The following STX1A variants were observed in gnomAD, a reference collection of about 807,000 sequenced individuals.
STX1A encodes syntaxin 1A.
Under a neutral mutation model 37.8 loss-of-function variants are expected in STX1A, and 4 were observed. The ratio of observed to expected loss-of-function variants is 0.11; its 90% CI spans 0.05 to 0.24. STX1A has a LOEUF of 0.24. Ranked by LOEUF, STX1A falls within the 10% of genes least tolerant of loss-of-function variation. The pLI, the probability that STX1A is intolerant of heterozygous loss-of-function variation, is 1.00. For synonymous variants in STX1A, 135 were observed against 147.4 expected, an observed-to-expected ratio of 0.92 and a Z score of 0.61; for missense variants, 251 against 399.9, an observed-to-expected ratio of 0.63 and a Z score of 3.18.
chr7:73,713,345 GAC>G (rs1307365421), intron 1 of STX1A, among the ~76,000 whole-genome samples: 2 of 152,178 alleles, frequency 1.3e-5, no homozygotes, highest in Non-Finnish European at 2.9e-5. Flanking sequence ...TCCCAGCCCA[GAC>G]ACACTCTTGA....
intron 1 of STX1A, among the ~76,000 whole-genome samples, chr7:73,715,627 C>A (rs1554618565): frequency 6.6e-6 from 1 of 152,122 alleles, no homozygotes; most frequent in Non-Finnish European, 1.5e-5. Context: ...TCCAGGACAC[C>A]TTCCTGGATG....
At chr7:73,718,277 G>A (rs995971502) in intron 1 of STX1A, among the ~76,000 whole-genome samples, 1 of 152,164 alleles carries the variant, frequency 6.6e-6, no homozygotes, top group Non-Finnish European at 1.5e-5. Context: ...AACAGGTCTG[G>A]AGGCAAAGTG....
Position 73,717,082 on chromosome 7 carries a change from C to A in STX1A, c.30+2520G>T, listed in dbSNP as rs906348619. On this transcript the variant is annotated intron_variant, in intron 1 of 9. Transcript: ENST00000222812. The surrounding 1 kb of genome is among the most constrained non-coding windows in gnomAD (Gnocchi z 4.1). ...GCTGGAGAAGGCTGGAGGGCTGGGC[C>A]GGGCCTGCAGAGTGAGGAAACGCGC... 6.6e-6 allele frequency among the ~76,000 whole-genome samples: 1 copy of A among 151,920 alleles called. No homozygotes were observed. Among genetic ancestry groups the A allele is most frequent in the Admixed American group, 6.6e-5 (1 of 15,248 alleles).
Position 73,705,327 on chromosome 7 carries a change from G to A in STX1A, c.209-103C>T. 1.0e-6 allele frequency: 1 copy of A among 966,378 alleles called. No homozygotes were observed. Among genetic ancestry groups the A allele is most frequent in the Non-Finnish European group, 1.7e-6 (1 of 604,558 alleles). 59.9% of individuals were successfully genotyped at this position (966,378 alleles called of 1,614,324 possible). A position where few individuals can be genotyped will look rare whatever the true frequency, so the allele number is the denominator to read the frequency against. On this transcript the variant is annotated intron_variant, in intron 3 of 9. Coordinates refer to ENST00000222812, the MANE Select transcript of STX1A (RefSeq NM_004603.4). This position sits in a 1 kb window ranked among gnomAD's most constrained non-coding sequence, Gnocchi z 5.2. Reference sequence around the variant, plus strand: ...GGGGCCCAGTGGGAGGCTCTGGGAAGATCCCTGTTCTCCCCTGTTCCCCTG... The same window carrying A: ...GGGGCCCAGTGGGAGGCTCTGGGAAAATCCCTGTTCTCCCCTGTTCCCCTG...
intron 7 of STX1A, 82 bp from the exon 8 acceptor site, chr7:73,703,064 G>A: frequency 1.0e-6 from 1 of 1,004,660 alleles, no homozygotes; most frequent in Non-Finnish European, 1.4e-6. Flanking sequence ...CGTTTGGGGT[G>A]GGCAGAGCTG....
Position 73,709,766 on chromosome 7 carries a change from G to T in STX1A, c.31-644C>A, listed in dbSNP as rs571432399. Among the ~76,000 whole-genome samples, 77 of 152,300 alleles carry T rather than the reference G, an allele frequency of 5.1e-4. No homozygotes were observed. The highest frequency in any genetic ancestry group is 1.8e-3 in the African/African-American group (74 of 41,562). Reference sequence around the variant, plus strand: ...AGAGGTCCCAAGCTCCCTTTCCAGAGTGGGCCCTATAAGGGGAGACCTGCC... The same window carrying T: ...AGAGGTCCCAAGCTCCCTTTCCAGATTGGGCCCTATAAGGGGAGACCTGCC... On this transcript the variant is annotated intron_variant, in intron 1 of 9. Coordinates refer to ENST00000222812, the MANE Select transcript of STX1A (RefSeq NM_004603.4). This position sits in a 1 kb window ranked among gnomAD's most constrained non-coding sequence, Gnocchi z 4.2.
rs1032127181 is a variant in STX1A at position 73,702,551 on chromosome 7, C to T, written c.678+294G>A. On this transcript the variant is annotated intron_variant, in intron 8 of 9. Transcript: ENST00000222812. The surrounding 1 kb of genome is among the most constrained non-coding windows in gnomAD (Gnocchi z 4.7). ...TATGCCTTCAGTCTCTGGGGAAATG[C>T]GTGGCCCACAGTGGCCCCATGAGGA... The T allele has an allele frequency of 3.9e-6, 3 of 775,092 alleles. No homozygotes were observed. Among genetic ancestry groups the T allele is most frequent in the Non-Finnish European group, 3.9e-6 (2 of 513,224 alleles). The allele number at this position is 775,092 out of a possible 1,614,324, so 48.0% of individuals were successfully genotyped here.
chr7:73,707,294 C>T (rs1563573306), intron 3 of STX1A, among the ~76,000 whole-genome samples: 1 of 152,180 alleles, frequency 6.6e-6, no homozygotes, highest in Non-Finnish European at 1.5e-5. Context: ...TGTCTGGGGA[C>T]AGAGTGCGAG....
rs1357728949 is a variant in STX1A at position 73,700,959 on chromosome 7, GTTAGGGTACAGC to G, written c.679-131_679-120del. 4.6e-6 allele frequency: 7 copies of G among 1,532,076 alleles called. No homozygotes were observed. The highest frequency in any genetic ancestry group is 6.1e-6 in the Non-Finnish European group (7 of 1,143,256). 94.9% of individuals were successfully genotyped at this position (1,532,076 alleles called of 1,614,324 possible). On this transcript the variant is annotated intron_variant, in intron 8 of 9. Transcript: ENST00000222812. The surrounding 1 kb of genome is among the most constrained non-coding windows in gnomAD (Gnocchi z 4.4). ...AGAGACAAAAAGGGGGCGTGAGGAGGTTAGGGTACAGCTTCTCACCTGGGCCAGGTACCCTGG... is the reference window on the plus strand; with the variant it reads ...AGAGACAAAAAGGGGGCGTGAGGAGGTTCTCACCTGGGCCAGGTACCCTGG...
Position 73,700,900 on chromosome 7 carries a change from T to A in STX1A, c.679-60A>T. On this transcript the variant is annotated intron_variant, in intron 8 of 9. Transcript: ENST00000222812. This position sits in a 1 kb window ranked among gnomAD's most constrained non-coding sequence, Gnocchi z 4.4. The stretch of plus-strand genomic sequence containing the variant: ...CCCCTCCTCAGGGTTGGGTTGGGGC[T>A]CGGGGCAGGACTTCAGGAAAGCACC... 6.2e-7 allele frequency: 1 copy of A among 1,602,696 alleles called. No homozygotes were observed. Among genetic ancestry groups the A allele is most frequent in the Non-Finnish European group, 8.5e-7 (1 of 1,177,882 alleles).
rs1431887319 is a variant in STX1A at position 73,719,577 on chromosome 7, G to A, written c.30+25C>T. The A allele has an allele frequency of 6.1e-5, 74 of 1,208,326 alleles. 2 individuals are homozygous for A. The South Asian group carries it at 2.2e-3, about 36-fold the overall frequency. 74.9% of individuals were successfully genotyped at this position (1,208,326 alleles called of 1,614,324 possible). ...TTGGCGCTGGCGGCGGGCGGCGGGC[G>A]GCCGCGCGCTGGGGCCGGACTCACC... On this transcript the variant is annotated intron_variant, in intron 1 of 9. Transcript: ENST00000222812.
Position 73,702,693 on chromosome 7 carries a change from G to A in STX1A, c.678+152C>T. 3 of 1,505,468 alleles carry A rather than the reference G, an allele frequency of 2.0e-6. No individual in the cohort carries two copies. The highest frequency in any genetic ancestry group is 2.1e-5 in the Admixed American group (1 of 47,958). The allele number at this position is 1,505,468 out of a possible 1,614,324, so 93.3% of individuals were successfully genotyped here. A position where few individuals can be genotyped will look rare whatever the true frequency, so the allele number is the denominator to read the frequency against. ...GGACAGGGACCTTCGGGTCGGCAGG[G>A]CCCTGGCGGCAGTTTCAACAGCGGG... On this transcript the variant is annotated intron_variant, in intron 8 of 9. Transcript: ENST00000222812. The surrounding 1 kb of genome is among the most constrained non-coding windows in gnomAD (Gnocchi z 4.7).
rs186088056 is a variant in STX1A at position 73,715,539 on chromosome 7, G to A, written c.30+4063C>T. ...GAAGAACAGACCCTGCTGGAACCAC[G>A]GGGAGCTGGATGCCCTGAGCTTCCC... On this transcript the variant is annotated intron_variant, in intron 1 of 9. Coordinates refer to ENST00000222812, the MANE Select transcript of STX1A (RefSeq NM_004603.4). Among the ~76,000 whole-genome samples the A allele has an allele frequency of 1.8e-3, 280 of 152,276 alleles. 1 individual carries two copies. The highest frequency in any genetic ancestry group is 6.2e-3 in the African/African-American group (259 of 41,552).
At chr7:73,712,322 C>T (rs1158236512) in intron 1 of STX1A, among the ~76,000 whole-genome samples, 5 of 151,314 alleles carry the variant, frequency 3.3e-5, no homozygotes, top group Non-Finnish European at 7.4e-5. Context: ...TCAGACCCCA[C>T]TCCCCCACAC....
Position 73,705,168 on chromosome 7 carries a change from C to G in STX1A, c.265G>C (p.Val89Leu), listed in dbSNP as rs1798825321. The part of the protein sequence containing the change: ...MSDIKKTANK[V>L]RSKLKSIEQS... ...GACTCACTCTTTAACTTGGAACGAA[C>G]TTTGTTTGCTGTCTTCTTTATGTCG... The change falls in exon 4 of 10, where the codon GTT becomes CTT. Residue 89 changes from valine (V) to leucine (L), a missense_variant. Val to Leu is a conservative substitution (Grantham distance 32, BLOSUM62 1). This residue lies in a region of STX1A where 214 missense variants were observed against 367.6 expected (regional missense o/e 0.58). Transcript: ENST00000222812. This position sits in a 1 kb window ranked among gnomAD's most constrained non-coding sequence, Gnocchi z 5.2. The G allele has an allele frequency of 2.5e-6, 4 of 1,613,770 alleles. No homozygotes were observed. The highest frequency in any genetic ancestry group is 3.4e-6 in the Non-Finnish European group (4 of 1,179,866).
At position 73,712,916 on chromosome 7, in the gene STX1A, T is replaced by G. The variant is rs556757875; in HGVS notation, c.31-3794A>C. Among the ~76,000 whole-genome samples, 3 of 152,332 alleles carry G rather than the reference T, an allele frequency of 2.0e-5. No individual in the cohort carries two copies. The South Asian group carries it at 6.2e-4, about 32-fold the overall frequency. On this transcript the variant is annotated intron_variant, in intron 1 of 9. Coordinates refer to ENST00000222812, the MANE Select transcript of STX1A (RefSeq NM_004603.4). The stretch of plus-strand genomic sequence containing the variant: ...ACAGCACACAAACTGAATCTGCTGC[T>G]GACTGTGGTCTGGGCAATGCCAAAG...
chr7:73,701,305 C>T (rs1477654715), intron 8 of STX1A: 1 of 254,506 alleles, frequency 3.9e-6, no homozygotes, highest in Non-Finnish European at 7.5e-6. Flanking sequence ...TCTTTAAGAA[C>T]TTGAAGTCAG....
intron 7 of STX1A, chr7:73,703,390 C>T: frequency 1.7e-6 from 1 of 576,780 alleles, no homozygotes; most frequent in Non-Finnish European, 3.3e-6. Context: ...CCCAAGCCTG[C>T]CTCGAACACC....
intron 4 of STX1A, 125 bp from the exon 5 acceptor site, chr7:73,704,548 G>A (rs1194718026): frequency 8.1e-7 from 1 of 1,239,540 alleles, no homozygotes; most frequent in African/African-American, 1.5e-5. Flanking sequence ...TGGCTGGTGG[G>A]ATCAGTGCCA....
Sources: allele counts gnomAD v4.1 joint callset (sites outside exome capture counted in the v4.1 genomes callset), GRCh38; gene constraint gnomAD v4.1.1; regional missense constraint gnomAD v4.1.1; non-coding constraint Gnocchi (gnomAD v3.1); transcripts MANE v1.5; gene names NCBI Gene and HGNC (gene_info 2026-07-23, HGNC 2026-07-21).